CDH12: variants seen among roughly 807,000 people sequenced by gnomAD.
The protein encoded by CDH12 is cadherin 12.
A neutral mutation model predicts 74.1 loss-of-function variants in CDH12; 41 were observed. The observed-to-expected ratio is 0.55, with a 90% confidence interval of 0.43 to 0.72. The LOEUF is 0.72. Ranked by LOEUF, CDH12 falls within the 30% of genes least tolerant of loss-of-function variation. The pLI, the probability that CDH12 is intolerant of heterozygous loss-of-function variation, is 0.00. For missense variants in CDH12, 945 were observed against 977.2 expected (o/e 0.97, Z 0.44); for synonymous variants, 399 against 355.0 (o/e 1.12, Z -1.39).
intron 1 of CDH12, among the ~76,000 whole-genome samples, chr5:22,525,312 T>C (rs1454384279): frequency 1.3e-5 from 2 of 152,168 alleles, no homozygotes; most frequent in Non-Finnish European, 2.9e-5. Flanking sequence ...CATATTTTAT[T>C]GACCAAAACA....
chr5:22,460,113 T>A (rs533521653), intron 2 of CDH12, among the ~76,000 whole-genome samples: 1 of 152,194 alleles, frequency 6.6e-6, no homozygotes, highest in Admixed American at 6.5e-5. Flanking sequence ...AACTAGAAAA[T>A]ATAAGCAGCT....
chr5:21,752,317 A>G, intron 14 of CDH12, 81 bp from the exon 15 acceptor site: 1 of 1,331,772 alleles, frequency 7.5e-7, no homozygotes, highest in Non-Finnish European at 1.0e-6. Flanking sequence ...AAAAATGATT[A>G]GGGGTGGCTG....
chr5:22,225,896 G>A (rs1752177073), intron 3 of CDH12, among the ~76,000 whole-genome samples: 1 of 139,956 alleles, frequency 7.1e-6, no homozygotes, highest in African/African-American at 2.7e-5. Flanking sequence ...CACAGTGGTT[G>A]GCCTCTAACA....
At chr5:22,673,418 T>A (rs1168179312) in intron 1 of CDH12, among the ~76,000 whole-genome samples, 2 of 152,194 alleles carry the variant, frequency 1.3e-5, no homozygotes, top group Non-Finnish European at 2.9e-5. Flanking sequence ...TCCTGGTTAA[T>A]ATACTTCCTG....
intron 1 of CDH12, among the ~76,000 whole-genome samples, chr5:22,607,125 C>CTTGGAAA (rs1737155730): frequency 6.6e-6 from 1 of 152,074 alleles, no homozygotes; most frequent in Admixed American, 6.6e-5. Context: ...GGAAGAAGAG[C>CTTGGAAA]ATAAACGTTT....
intron 1 of CDH12, among the ~76,000 whole-genome samples, chr5:22,832,255 G>T (rs1001501180): frequency 3.3e-5 from 5 of 152,074 alleles, no homozygotes; most frequent in Non-Finnish European, 7.4e-5. Flanking sequence ...GATTATTGGA[G>T]CATTAACTGT....
At chr5:22,082,869 C>A (rs1742833602) in intron 4 of CDH12, among the ~76,000 whole-genome samples, 2 of 152,314 alleles carry the variant, frequency 1.3e-5, no homozygotes, top group South Asian at 4.1e-4. Context: ...TCATACTGTG[C>A]TGTGTTTCTT....
intron 5 of CDH12, among the ~76,000 whole-genome samples, chr5:21,992,116 G>T (rs1338150204): frequency 1.3e-5 from 2 of 151,878 alleles, no homozygotes; most frequent in Non-Finnish European, 2.9e-5. Flanking sequence ...CATTAAGAAA[G>T]GAATCATTCT....
intron 3 of CDH12, among the ~76,000 whole-genome samples, chr5:22,258,425 G>C (rs1025912523): frequency 3.3e-5 from 5 of 152,028 alleles, no homozygotes; most frequent in Admixed American, 3.3e-4. Context: ...CACAGGGCTA[G>C]CCTGGCCTCT....
intron 4 of CDH12, among the ~76,000 whole-genome samples, chr5:22,131,474 C>T (rs1207701857): frequency 2.0e-5 from 3 of 152,110 alleles, no homozygotes; most frequent in Non-Finnish European, 2.9e-5. Flanking sequence ...TACTTCCCCA[C>T]ATGCCTATCG....
intron 3 of CDH12, among the ~76,000 whole-genome samples, chr5:22,277,154 A>AT (rs1385226399): frequency 2.6e-5 from 4 of 152,162 alleles, no homozygotes; most frequent in African/African-American, 9.7e-5. Flanking sequence ...AAATTAGATA[A>AT]TAAACTTTGA....
chr5:22,734,004 C>T (rs1352378192), intron 1 of CDH12, among the ~76,000 whole-genome samples: 1 of 151,904 alleles, frequency 6.6e-6, no homozygotes, highest in Non-Finnish European at 1.5e-5. Context: ...TTGAACAGAT[C>T]CAGAGTTAAG....
chr5:22,052,759 T>C (rs1740462790), intron 5 of CDH12, among the ~76,000 whole-genome samples: 1 of 152,144 alleles, frequency 6.6e-6, no homozygotes, highest in African/African-American at 2.4e-5. Context: ...TTATTACATT[T>C]ATTAAATTTA....
chr5:22,645,005 A>G (rs1322130487), intron 1 of CDH12, among the ~76,000 whole-genome samples: 1 of 152,110 alleles, frequency 6.6e-6, no homozygotes, highest in Non-Finnish European at 1.5e-5. Context: ...ATATTTTTCC[A>G]AAATATTACT....
At chr5:22,219,083 AC>A (rs1300575830) in intron 3 of CDH12, among the ~76,000 whole-genome samples, 1 of 151,654 alleles carries the variant, frequency 6.6e-6, no homozygotes, top group African/African-American at 2.4e-5. Flanking sequence ...ATGCTTAATT[AC>A]CTTTTGACAT....
At chr5:21,790,454 A>T (rs1746426913) in intron 10 of CDH12, among the ~76,000 whole-genome samples, 1 of 152,074 alleles carries the variant, frequency 6.6e-6, no homozygotes, top group African/African-American at 2.4e-5. Flanking sequence ...ACATAGATTA[A>T]CCACCACTGA....
intron 1 of CDH12, among the ~76,000 whole-genome samples, chr5:22,825,805 T>C (rs896407189): frequency 2.0e-5 from 3 of 151,992 alleles, no homozygotes; most frequent in African/African-American, 7.2e-5. Flanking sequence ...AAACTAGGAG[T>C]TGTGTTAAAG....
chr5:22,745,229 A>G (rs1000414837), intron 1 of CDH12, among the ~76,000 whole-genome samples: 1 of 152,094 alleles, frequency 6.6e-6, no homozygotes, highest in Non-Finnish European at 1.5e-5. Flanking sequence ...CTAAGTTTTC[A>G]ATCAAAGAGT....
At chr5:22,222,546 TC>T (rs1268298348) in intron 3 of CDH12, among the ~76,000 whole-genome samples, 1 of 151,964 alleles carries the variant, frequency 6.6e-6, no homozygotes, top group African/African-American at 2.4e-5. Flanking sequence ...GTTATTTTTT[TC>T]TTTTCTAAAA....
Sources: allele counts gnomAD v4.1 joint callset (sites outside exome capture counted in the v4.1 genomes callset), GRCh38; gene constraint gnomAD v4.1.1; transcripts MANE v1.5; gene names NCBI Gene and HGNC (gene_info 2026-07-23, HGNC 2026-07-21).